Variants in DEPDC4 observed in about 807,000 individuals in gnomAD.
The protein encoded by DEPDC4 is DEP domain-containing protein 4.
Under a neutral mutation model 52.0 loss-of-function variants are expected in DEPDC4, and 52 were observed. That is an observed-to-expected ratio of 1.00 (90% CI 0.80 to 1.26). The LOEUF (loss-of-function observed/expected upper bound fraction) is 1.26. DEPDC4 is among the 50% of genes most tolerant of loss of function. DEPDC4 has a pLI of 0.00. For synonymous variants in DEPDC4, 201 were observed against 196.8 expected, an observed-to-expected ratio of 1.02 and a Z score of -0.18; for missense variants, 530 against 546.9, an observed-to-expected ratio of 0.97 and a Z score of 0.31.
chr12:100,256,089 A>G lies in DEPDC4; in HGVS notation c.838T>C (p.Cys280Arg). 6.2e-7 allele frequency: 1 copy of G among 1,613,058 alleles called. No homozygotes were observed. The highest frequency in any genetic ancestry group is 8.5e-7 in the Non-Finnish European group (1 of 1,179,414). ...CTTGGAATAAGTTCTCTGTCTAGGC[A>G]AGTGTTAGTGATAACAAGATCTTCC... The part of the protein sequence containing the change: ...KEEDLVITNT[C>R]LDRELIPSLC... The change falls in exon 4 of 10, where the codon TGC (cysteine) becomes CGC (arginine). Residue 280 changes from cysteine (C) to arginine (R), a missense_variant. Coordinates refer to ENST00000550587, the MANE Select transcript of DEPDC4 (RefSeq NM_001364818.2).
chr12:100,270,847 T>G (rs778758113), upstream of DEPDC4, among the ~76,000 whole-genome samples: 1 of 152,074 alleles, frequency 6.6e-6, no homozygotes, highest in Non-Finnish European at 1.5e-5. Context: ...CTGAATGTTT[T>G]ACTTCTTGTT....
chr12:100,246,549 T>C (rs1306359231), intron 8 of DEPDC4, among the ~76,000 whole-genome samples: 7 of 152,350 alleles, frequency 4.6e-5, no homozygotes, highest in Non-Finnish European at 7.3e-5. Context: ...GGCACAACTA[T>C]AGAGATTCAA....
chr12:100,262,445 C>T (rs769636065), intron 2 of DEPDC4, 36 bp from the exon 3 acceptor site: 61 of 1,488,054 alleles, frequency 4.1e-5, no homozygotes, highest in South Asian at 1.3e-4. Flanking sequence ...TTTCATTATA[C>T]ACAGAACCAA....
At chr12:100,247,462 T>G (rs1178322071) in intron 8 of DEPDC4, among the ~76,000 whole-genome samples, 2 of 152,236 alleles carry the variant, frequency 1.3e-5, no homozygotes, top group East Asian at 3.9e-4. Context: ...CGCCTTGGCC[T>G]CTCAAAGTGC....
chr12:100,265,814 TA>T (rs1165804374), intron 1 of DEPDC4, among the ~76,000 whole-genome samples: 2 of 152,198 alleles, frequency 1.3e-5, no homozygotes, highest in Non-Finnish European at 1.5e-5. Flanking sequence ...CCAACCTATG[TA>T]AAAATGTATG....
chr12:100,253,406 G>A (rs1233583865), intron 5 of DEPDC4, 83 bp downstream of exon 5: 5 of 491,404 alleles, frequency 1.0e-5, no homozygotes, highest in Non-Finnish European at 1.7e-5. Context: ...TACTCATATA[G>A]TATACACAAT....
chr12:100,235,052 G>A (rs561416769), intron 9 of DEPDC4, among the ~76,000 whole-genome samples: 1 of 82,806 alleles, frequency 1.2e-5, no homozygotes, highest in South Asian at 5.1e-4. Flanking sequence ...TAGTAGTATG[G>A]ATGTATGTGT....
chr12:100,263,597 C>G lies in DEPDC4; in HGVS notation c.454G>C (p.Asp152His). Reference protein sequence around the residue: ...FKKEKELEFEDSNISLYRFLG... With the variant: ...FKKEKELEFEHSNISLYRFLG... ...AACCTGTAGAGACTAATGTTGGAAT[C>G]TTCAAATTCTAATTCCTTTTCTTTT... Residue 152 changes from aspartate to histidine, a missense_variant, in exon 2 of 10, where the codon GAT (aspartate) becomes CAT (histidine). Coordinates refer to ENST00000550587, the MANE Select transcript of DEPDC4 (RefSeq NM_001364818.2). 1 of 1,614,058 alleles carries G rather than the reference C, an allele frequency of 6.2e-7. No individual in the cohort carries two copies. Among genetic ancestry groups the G allele is most frequent in the Non-Finnish European group, 8.5e-7 (1 of 1,179,970 alleles).
At chr12:100,263,965 C>A in intron 1 of DEPDC4, 72 bp from the exon 2 acceptor site, 1 of 1,397,588 alleles carries the variant, frequency 7.2e-7, no homozygotes, top group Non-Finnish European at 9.7e-7. Flanking sequence ...TCAGTTTTGA[C>A]AACCTTATGC....
chr12:100,254,319 C>CCTTTTT (rs1566318429), intron 4 of DEPDC4, among the ~76,000 whole-genome samples: 1 of 89,436 alleles, frequency 1.1e-5, no homozygotes, highest in African/African-American at 5.2e-5. Context: ...TTTTTTTTGA[C>CCTTTTT]TTTTTTTTTT....
Position 100,263,869 on chromosome 12 carries a change from G to A in DEPDC4, c.182C>T (p.Thr61Ile). The A allele has an allele frequency of 6.2e-7, 1 of 1,609,558 alleles. No individual in the cohort carries two copies. The highest frequency in any genetic ancestry group is 8.5e-7 in the Non-Finnish European group (1 of 1,177,644). Residue 61 changes from threonine to isoleucine, a missense_variant, in exon 2 of 10, where the codon ACT (threonine) becomes ATT (isoleucine). Coordinates refer to ENST00000550587, the MANE Select transcript of DEPDC4 (RefSeq NM_001364818.2). The stretch of plus-strand genomic sequence containing the variant: ...GTGAATAATACCATCCCATAGCTGA[G>A]TAGCTTGAAAAGGACCAGAGCATCC... ...RTGCSGPFQA[T>I]QLWDGIIHSL...
At chr12:100,246,709 G>A (rs529835240) in intron 8 of DEPDC4, among the ~76,000 whole-genome samples, 4 of 152,240 alleles carry the variant, frequency 2.6e-5, no homozygotes, top group Admixed American at 2.6e-4. Context: ...GGCCAAGGCG[G>A]GCGGATCACT....
chr12:100,248,738 A>G (rs2096195995), intron 8 of DEPDC4, among the ~76,000 whole-genome samples, 162 bp downstream of exon 8: 1 of 152,194 alleles, frequency 6.6e-6, no homozygotes, highest in Non-Finnish European at 1.5e-5. Context: ...AAAAAGAACT[A>G]GAGAAGAACT....
upstream of DEPDC4, among the ~76,000 whole-genome samples, chr12:100,271,079 G>A (rs554118500): frequency 3.8e-4 from 57 of 151,938 alleles, no homozygotes; most frequent in Non-Finnish European, 5.4e-4. Flanking sequence ...TCTTTGTTCT[G>A]TATAAGATTA....
chr12:100,238,037 G>A, downstream of DEPDC4: 3 of 980,920 alleles, frequency 3.1e-6, no homozygotes, highest in Non-Finnish European at 3.6e-6. Flanking sequence ...GGGCTTGGTG[G>A]CATGTTTCCA....
At chr12:100,251,278 A>G (rs1487550149) in intron 7 of DEPDC4, among the ~76,000 whole-genome samples, 1 of 152,132 alleles carries the variant, frequency 6.6e-6, no homozygotes, top group Non-Finnish European at 1.5e-5. Flanking sequence ...GGAATTCTTT[A>G]TAGAGGCTTT....
chr12:100,239,211 G>A (rs980041216), downstream of DEPDC4, among the ~76,000 whole-genome samples: 1 of 151,930 alleles, frequency 6.6e-6, no homozygotes, highest in African/African-American at 2.4e-5. Flanking sequence ...CAAGTAGCTG[G>A]GATTACAGGT....
At chr12:100,267,376 C>G, upstream of DEPDC4, 1 of 282,394 alleles carries the variant, frequency 3.5e-6, no homozygotes, top group Non-Finnish European at 6.7e-6. Flanking sequence ...CCAGCACCGC[C>G]CCTCCTGGAA....
At chr12:100,236,989 C>T (rs1349144835), downstream of DEPDC4, among the ~76,000 whole-genome samples, 1 of 152,070 alleles carries the variant, frequency 6.6e-6, no homozygotes, top group African/African-American at 2.4e-5. Context: ...GATCAGTTGG[C>T]TATACGTATT....
Sources: allele counts gnomAD v4.1 joint callset (sites outside exome capture counted in the v4.1 genomes callset), GRCh38; gene constraint gnomAD v4.1.1; transcripts MANE v1.5; gene names NCBI Gene and HGNC (gene_info 2026-07-23, HGNC 2026-07-21).